The following HSF2BP variants were observed in gnomAD, a reference collection of about 807,000 sequenced individuals.
The protein encoded by HSF2BP is heat shock transcription factor 2 binding protein.
In HSF2BP, 35 loss-of-function variants were observed where a neutral mutation model predicts 35.0. That is an observed-to-expected ratio of 1.00 (90% CI 0.76 to 1.32). The LOEUF (loss-of-function observed/expected upper bound fraction) is 1.32. Ranked by LOEUF, HSF2BP falls within the 40% of genes most tolerant of loss-of-function variation. The probability of loss-of-function intolerance (pLI) is 0.00; values close to 1 mark genes in which losing one functional copy is unlikely to be tolerated. For missense variants in HSF2BP, 326 were observed against 321.7 expected (o/e 1.01, Z -0.10); for synonymous variants, 114 against 117.4 (o/e 0.97, Z 0.18).
At chr21:43,652,478 G>A (rs1240578376) in intron 3 of HSF2BP, among the ~76,000 whole-genome samples, 1 of 151,602 alleles carries the variant, frequency 6.6e-6, no homozygotes, top group Admixed American at 6.6e-5. Context: ...GGACAATAGG[G>A]CTAGTGGGAG....
intron 8 of HSF2BP, among the ~76,000 whole-genome samples, chr21:43,572,379 C>G (rs1047192567): frequency 6.6e-6 from 1 of 152,096 alleles, no homozygotes; most frequent in Non-Finnish European, 1.5e-5. Context: ...CGTGACTGCC[C>G]GGAGAACATG....
chr21:43,607,755 C>A (rs1298645177), intron 7 of HSF2BP, among the ~76,000 whole-genome samples: 1 of 152,152 alleles, frequency 6.6e-6, no homozygotes, highest in Non-Finnish European at 1.5e-5. Flanking sequence ...AACACATAGA[C>A]CAATGGAACA....
intron 6 of HSF2BP, among the ~76,000 whole-genome samples, chr21:43,618,062 G>A (rs978372719): frequency 5.3e-5 from 8 of 152,022 alleles, no homozygotes; most frequent in South Asian, 2.1e-4. Flanking sequence ...AGTTTGAGAT[G>A]AGTCTTAGGC....
intron 7 of HSF2BP, among the ~76,000 whole-genome samples, chr21:43,596,015 C>T (rs567649349): frequency 1.7e-4 from 26 of 151,996 alleles, no homozygotes; most frequent in Middle Eastern, 3.4e-3. Context: ...CCACCACGCC[C>T]GGCAAGGCTA....
intron 3 of HSF2BP, among the ~76,000 whole-genome samples, chr21:43,649,251 A>AT (rs1044300545): frequency 3.3e-5 from 5 of 151,246 alleles, no homozygotes; most frequent in African/African-American, 1.2e-4. Flanking sequence ...GGTTTTTTTT[A>AT]TTTTTTTGAA....
At chr21:43,583,613 A>ACTGCTGAGGGAGATGAAGAC (rs2081796555) in intron 8 of HSF2BP, among the ~76,000 whole-genome samples, 1 of 97,468 alleles carries the variant, frequency 1.0e-5, no homozygotes, top group African/African-American at 4.0e-5. Flanking sequence ...AGATGAAGGG[A>ACTGCTGAGGGAGATGAAGAC]CTGCTGAGGG....
intron 7 of HSF2BP, among the ~76,000 whole-genome samples, chr21:43,595,603 A>C (rs530914167): frequency 1.3e-5 from 2 of 152,114 alleles, no homozygotes; most frequent in African/African-American, 4.8e-5. Flanking sequence ...GGCTGCAATG[A>C]GCTGTGACAG....
intron 7 of HSF2BP, among the ~76,000 whole-genome samples, chr21:43,602,354 G>A (rs913200661): frequency 6.6e-6 from 1 of 152,188 alleles, no homozygotes; most frequent in Non-Finnish European, 1.5e-5. Flanking sequence ...CTTGTGGGTG[G>A]CTCCAACCTG....
rs2081935142 is a variant in HSF2BP at position 43,592,227 on chromosome 21, C to T, written c.794G>A (p.Ser265Asn). Residue 265 changes from serine to asparagine, a missense_variant and splice_region_variant, in exon 8 of 9, where the codon AGT becomes AAT. By Grantham distance (46) the Ser-to-Asn change is conservative. Transcript: ENST00000291560. ...GGACAGATAACCACCCCCCTTACCA[C>T]TCAAAAGCCACCACAGCAAAGGGAT... ...GFIPLLWWLL[S>N]DPDAEVCLHV... 1.2e-6 allele frequency: 2 copies of T among 1,610,506 alleles called. No individual in the cohort carries two copies. Among genetic ancestry groups the T allele is most frequent in the African/African-American group, 1.3e-5 (1 of 74,956 alleles).
chr21:43,640,137 A>G lies in HSF2BP; in HGVS notation c.291+4152T>C, dbSNP rs188952864. Among the ~76,000 whole-genome samples the G allele has an allele frequency of 1.3e-4, 20 of 152,100 alleles. No individual in the cohort carries two copies. The East Asian group carries it at 2.9e-3, about 22-fold the overall frequency. On this transcript the variant is annotated intron_variant, in intron 4 of 8. Coordinates refer to ENST00000291560, the MANE Select transcript of HSF2BP (RefSeq NM_007031.2). The stretch of plus-strand genomic sequence containing the variant: ...AGTAACATAGCGAACCTGTCTCTAC[A>G]AAAAAAATTAAAAATTAGCTGGGCA...
chr21:43,578,772 C>T (rs2146693016), intron 8 of HSF2BP, among the ~76,000 whole-genome samples: 1 of 152,316 alleles, frequency 6.6e-6, no homozygotes, highest in Admixed American at 6.5e-5. Flanking sequence ...GGGGCTAGGG[C>T]GCCTACCCTG....
intron 5 of HSF2BP, among the ~76,000 whole-genome samples, chr21:43,632,507 CT>C (rs1431227482): frequency 1.3e-5 from 2 of 149,066 alleles, no homozygotes; most frequent in Non-Finnish European, 3.0e-5. Context: ...ACAGTTGAAC[CT>C]TGAAAACAAG....
intron 8 of HSF2BP, among the ~76,000 whole-genome samples, chr21:43,573,992 A>T (rs1418790536): frequency 6.6e-6 from 1 of 152,200 alleles, no homozygotes; most frequent in African/African-American, 2.4e-5. Flanking sequence ...GACAGCCTCG[A>T]GGCCAAGCCA....
At chr21:43,575,991 G>A (rs1272334051) in intron 8 of HSF2BP, among the ~76,000 whole-genome samples, 2 of 151,952 alleles carry the variant, frequency 1.3e-5, no homozygotes, top group Non-Finnish European at 2.9e-5. Context: ...GGTGGCGTGC[G>A]CCTGTAGTCC....
intron 8 of HSF2BP, among the ~76,000 whole-genome samples, chr21:43,584,418 T>G (rs1407015523): frequency 6.6e-6 from 1 of 152,198 alleles, no homozygotes; most frequent in Non-Finnish European, 1.5e-5. Flanking sequence ...TCCCTTTTAT[T>G]CAGCCTTTTT....
intron 4 of HSF2BP, among the ~76,000 whole-genome samples, chr21:43,642,450 A>C (rs879509870): frequency 6.6e-5 from 10 of 152,208 alleles, no homozygotes; most frequent in Non-Finnish European, 1.2e-4. Flanking sequence ...AAGGCTACAG[A>C]TAAGGCAGCT....
chr21:43,653,950 G>A (rs2082831548), intron 3 of HSF2BP, among the ~76,000 whole-genome samples: 1 of 152,084 alleles, frequency 6.6e-6, no homozygotes, highest in African/African-American at 2.4e-5. Context: ...GTGCTCTGGG[G>A]AGACTGAGGC....
intron 8 of HSF2BP, among the ~76,000 whole-genome samples, chr21:43,583,502 A>G (rs1419786269): frequency 7.3e-5 from 4 of 54,742 alleles, no homozygotes; most frequent in East Asian, 6.7e-4. Context: ...ACCTGCTGAG[A>G]GAGATGAAGG....
At chr21:43,608,086 T>C (rs1287338092) in intron 7 of HSF2BP, among the ~76,000 whole-genome samples, 1 of 151,372 alleles carries the variant, frequency 6.6e-6, no homozygotes, top group Non-Finnish European at 1.5e-5. Flanking sequence ...AAACCGAAAA[T>C]TGACAATTGG....
Sources: allele counts gnomAD v4.1 joint callset (sites outside exome capture counted in the v4.1 genomes callset), GRCh38; gene constraint gnomAD v4.1.1; transcripts MANE v1.5; gene names NCBI Gene and HGNC (gene_info 2026-07-23, HGNC 2026-07-21).